The following PHACTR1 variants were observed in gnomAD, a reference collection of about 807,000 sequenced individuals.
PHACTR1 encodes RPEL repeat containing 1.
In PHACTR1, 16 loss-of-function variants were observed where a neutral mutation model predicts 69.2. The ratio of observed to expected loss-of-function variants is 0.23; its 90% CI spans 0.16 to 0.35. The LOEUF (loss-of-function observed/expected upper bound fraction) is 0.35. Among genes scored for constraint, PHACTR1 ranks in the 10% least tolerant of loss-of-function variants. The pLI is 1.00. For missense variants in PHACTR1, 510 were observed against 734.7 expected, an observed-to-expected ratio of 0.69 and a Z score of 3.54; for synonymous variants, 312 against 284.5, an observed-to-expected ratio of 1.10 and a Z score of -0.97.
intron 5 of PHACTR1, among the ~76,000 whole-genome samples, chr6:13,085,680 A>G (rs1812157333): frequency 6.6e-6 from 1 of 152,096 alleles, no homozygotes; most frequent in South Asian, 2.1e-4. Flanking sequence ...GACAAAAAGA[A>G]GTGAGGATAT....
chr6:12,889,136 T>TG (rs1298888830), intron 4 of PHACTR1, among the ~76,000 whole-genome samples: 5 of 152,096 alleles, frequency 3.3e-5, no homozygotes, highest in Admixed American at 2.0e-4. Context: ...TAGCCAGGCA[T>TG]GGTGGCTTGA....
At chr6:13,025,671 T>TTTTGTG (rs1554108800) in intron 4 of PHACTR1, among the ~76,000 whole-genome samples, 5 of 140,220 alleles carry the variant, frequency 3.6e-5, no homozygotes, top group African/African-American at 5.4e-5. Flanking sequence ...CATATATTAT[T>TTTTGTG]TGTGTGTGTG....
intron 3 of PHACTR1, among the ~76,000 whole-genome samples, chr6:12,742,483 C>G (rs1765176312): frequency 6.6e-6 from 1 of 152,128 alleles, no homozygotes; most frequent in Admixed American, 6.5e-5. Context: ...TTTACCACAA[C>G]CTGTTTTATC....
At chr6:12,758,662 G>A (rs796161847) in intron 4 of PHACTR1, among the ~76,000 whole-genome samples, 2 of 152,002 alleles carry the variant, frequency 1.3e-5, no homozygotes, top group African/African-American at 4.8e-5. Flanking sequence ...ACTGGAATTT[G>A]GATTCTGTTT....
chr6:12,746,459 C>T (rs1399564453), intron 3 of PHACTR1, among the ~76,000 whole-genome samples: 5 of 152,086 alleles, frequency 3.3e-5, no homozygotes, highest in Admixed American at 6.5e-5. Context: ...ATTGCTTGAG[C>T]CTGGGGAGGT....
chr6:13,106,529 A>G (rs539967658), intron 5 of PHACTR1, among the ~76,000 whole-genome samples: 1 of 152,274 alleles, frequency 6.6e-6, no homozygotes, highest in South Asian at 2.1e-4. Flanking sequence ...CCTGGGCTGG[A>G]GTGCAATGGT....
In PHACTR1 at chr6:12,839,875, T is replaced by C. The variant is rs371064462; in HGVS notation, c.250+90085T>C. Among the ~76,000 whole-genome samples the C allele has an allele frequency of 6.3e-3, 956 of 152,276 alleles. 14 individuals are homozygous for C. The highest frequency in any genetic ancestry group is 0.022 in the African/African-American group (915 of 41,546). ...TGCCTGTGACTAGAAGACCAGAGTG[T>C]AGAGCGAACACGGCCATAAAGCAAG... On this transcript the variant is annotated intron_variant, in intron 4 of 14. Coordinates refer to ENST00000332995, the MANE Select transcript of PHACTR1 (RefSeq NM_030948.6).
At chr6:12,728,015 G>GA (rs147996449) in intron 3 of PHACTR1, among the ~76,000 whole-genome samples, 4,811 of 151,742 alleles carry the variant, frequency 0.032, 237 homozygotes, top group African/African-American at 0.11. Context: ...GCCAAAAGGG[G>GA]AAAAAAAATG....
At chr6:13,204,350 T>C (rs1266811378) in intron 7 of PHACTR1, among the ~76,000 whole-genome samples, 2 of 150,422 alleles carry the variant, frequency 1.3e-5, no homozygotes, top group East Asian at 1.9e-4. Flanking sequence ...GCCTCCGAGA[T>C]GGAGAGTCAG....
At chr6:12,991,356 G>A (rs1209689149) in intron 4 of PHACTR1, among the ~76,000 whole-genome samples, 1 of 152,160 alleles carries the variant, frequency 6.6e-6, no homozygotes, top group Admixed American at 6.5e-5. Flanking sequence ...TGTTTAGCTT[G>A]TGTCTCCACA....
intron 4 of PHACTR1, among the ~76,000 whole-genome samples, chr6:12,956,396 C>A (rs1343834596): frequency 6.6e-6 from 1 of 152,118 alleles, no homozygotes; most frequent in African/African-American, 2.4e-5. Context: ...ATGCTTGCTC[C>A]TTAGTGGGTA....
chr6:12,891,139 T>C (rs904061318), intron 4 of PHACTR1, among the ~76,000 whole-genome samples: 2 of 152,198 alleles, frequency 1.3e-5, no homozygotes, highest in Non-Finnish European at 1.5e-5. Context: ...TCATTCATCA[T>C]GTTTGAGGAG....
intron 10 of PHACTR1, among the ~76,000 whole-genome samples, chr6:13,242,797 A>G (rs1167182653): frequency 6.6e-6 from 1 of 152,228 alleles, no homozygotes; most frequent in African/African-American, 2.4e-5. Flanking sequence ...TTAAATTTCC[A>G]GGGAAACAAG....
intron 5 of PHACTR1, among the ~76,000 whole-genome samples, chr6:13,108,876 T>C (rs1244481289): frequency 1.3e-5 from 2 of 152,080 alleles, no homozygotes; most frequent in African/African-American, 4.8e-5. Flanking sequence ...CTGTTCTTTG[T>C]TCCTTTTCAC....
intron 4 of PHACTR1, among the ~76,000 whole-genome samples, chr6:12,753,040 G>T (rs77658634): frequency 0.012 from 1,859 of 152,298 alleles, 41 homozygotes; most frequent in African/African-American, 0.041. Context: ...TATATCTGTC[G>T]AAGGTTACCC....
intron 4 of PHACTR1, among the ~76,000 whole-genome samples, chr6:12,979,690 T>A (rs1243645282): frequency 6.6e-6 from 1 of 150,860 alleles, no homozygotes; most frequent in Non-Finnish European, 1.5e-5. Context: ...GGACCTCCAA[T>A]GCAGTGAGTT....
At chr6:12,725,694 A>G (rs1206144413) in intron 3 of PHACTR1, among the ~76,000 whole-genome samples, 1 of 152,142 alleles carries the variant, frequency 6.6e-6, no homozygotes, top group African/African-American at 2.4e-5. Context: ...TTAGTTATTG[A>G]TACTCTTGTT....
At chr6:13,212,187 C>A (rs1206096306) in intron 8 of PHACTR1, among the ~76,000 whole-genome samples, 1 of 152,190 alleles carries the variant, frequency 6.6e-6, no homozygotes, top group African/African-American at 2.4e-5. Context: ...TCTTTAAAGA[C>A]CCTACTTCCA....
At chr6:13,043,838 T>C (rs951457784) in intron 4 of PHACTR1, among the ~76,000 whole-genome samples, 2 of 152,232 alleles carry the variant, frequency 1.3e-5, no homozygotes, top group African/African-American at 2.4e-5. Context: ...TAAAGATTGT[T>C]GCTTTGGATT....
Sources: gnomAD v4.1 joint callset for allele counts (sites outside exome capture counted in the v4.1 genomes callset) on GRCh38, gnomAD v4.1.1 for gene constraint, MANE v1.5 for transcripts, NCBI Gene and HGNC (gene_info 2026-07-23, HGNC 2026-07-21) for gene names.